Variants in MAGI2 observed in about 807,000 individuals in gnomAD.
MAGI2 encodes the protein membrane-associated guanylate kinase, WW and PDZ domain-containing protein 2.
MAGI2 carries 35 observed loss-of-function variants against 133.3 expected under a neutral mutation model. The ratio of observed to expected loss-of-function variants is 0.26; its 90% CI spans 0.20 to 0.35. The LOEUF is 0.35. Among genes scored for constraint, MAGI2 ranks in the 10% least tolerant of loss-of-function variants. The pLI is 1.00. For missense variants in MAGI2, 1,636 were observed against 1,863.4 expected (o/e 0.88, Z 2.25); for synonymous variants, 729 against 710.6 (o/e 1.03, Z -0.41).
chr7:79,211,370 G>A (rs1481652629), intron 1 of MAGI2, among the ~76,000 whole-genome samples: 1 of 151,916 alleles, frequency 6.6e-6, no homozygotes, highest in Non-Finnish European at 1.5e-5. Flanking sequence ...CTGATCTCCC[G>A]GTTCAAGTGA....
At chr7:78,766,531 A>G (rs1224190268) in intron 2 of MAGI2, among the ~76,000 whole-genome samples, 1 of 152,154 alleles carries the variant, frequency 6.6e-6, no homozygotes, top group East Asian at 1.9e-4. Flanking sequence ...CTTCTCCTCC[A>G]TTGGCTAACT....
intron 1 of MAGI2, among the ~76,000 whole-genome samples, chr7:79,235,479 C>G (rs528412661): frequency 2.0e-5 from 3 of 152,174 alleles, no homozygotes; most frequent in African/African-American, 7.2e-5. Context: ...AAGCCAGGTG[C>G]GGGATATAAT....
intron 1 of MAGI2, among the ~76,000 whole-genome samples, chr7:79,169,064 C>A (rs188318271): frequency 1.6e-4 from 25 of 151,810 alleles, no homozygotes; most frequent in African/African-American, 5.6e-4. Context: ...GAAGAATGGT[C>A]CCTTCCTTCT....
chr7:78,101,525 AT>A (rs1278026817), intron 20 of MAGI2, among the ~76,000 whole-genome samples: 3 of 152,220 alleles, frequency 2.0e-5, no homozygotes, highest in African/African-American at 7.2e-5. Flanking sequence ...TTGGACCCTT[AT>A]CATACACCAT....
At chr7:79,251,563 T>C (rs1352167165) in intron 1 of MAGI2, among the ~76,000 whole-genome samples, 2 of 152,008 alleles carry the variant, frequency 1.3e-5, no homozygotes, top group Non-Finnish European at 2.9e-5. Context: ...AAAAAGGCTT[T>C]TATAAAAAAG....
At chr7:79,196,766 T>TGTTG (rs1828117292) in intron 1 of MAGI2, among the ~76,000 whole-genome samples, 1 of 151,756 alleles carries the variant, frequency 6.6e-6, no homozygotes, top group Non-Finnish European at 1.5e-5. Context: ...TTTGTTTGCT[T>TGTTG]GTTTGTTTGT....
Position 78,486,439 on chromosome 7 carries a change from C to G in MAGI2, c.1045+3322G>C, listed in dbSNP as rs180913398. ...TTTTGTGTGGCCAATGGGCTAAGAACAGTTTACACATTTTCGAGTAGTTGA... is the reference window on the plus strand; with the variant it reads ...TTTTGTGTGGCCAATGGGCTAAGAAGAGTTTACACATTTTCGAGTAGTTGA... On this transcript the variant is annotated intron_variant, in intron 6 of 21. Transcript: ENST00000354212. 1.7e-3 allele frequency: 277 copies of G among 164,080 alleles called. 1 individual carries two copies. Among genetic ancestry groups the G allele is most frequent in the South Asian group, 3.2e-3 (18 of 5,698 alleles). The allele number at this position is 164,080 out of a possible 1,614,324, so 10.2% of individuals were successfully genotyped here. A position where few individuals can be genotyped will look rare whatever the true frequency, so the allele number is the denominator to read the frequency against.
chr7:78,167,714 G>T (rs1024311848), intron 15 of MAGI2, among the ~76,000 whole-genome samples: 1 of 152,242 alleles, frequency 6.6e-6, no homozygotes, highest in African/African-American at 2.4e-5. Context: ...TAAAATGCAG[G>T]CCTCAAAGAC....
intron 3 of MAGI2, among the ~76,000 whole-genome samples, chr7:78,541,859 T>A (rs1052178174): frequency 2.0e-5 from 3 of 152,240 alleles, no homozygotes; most frequent in Non-Finnish European, 4.4e-5. Context: ...CTTCAAATAA[T>A]CTTTATGAAA....
chr7:78,735,632 C>G (rs1374410768), intron 2 of MAGI2, among the ~76,000 whole-genome samples: 2 of 152,130 alleles, frequency 1.3e-5, no homozygotes, highest in African/African-American at 4.8e-5. Context: ...AACATATTGT[C>G]ACTGATGAGT....
At chr7:78,768,523 C>T (rs1461924026) in intron 2 of MAGI2, among the ~76,000 whole-genome samples, 10 of 152,172 alleles carry the variant, frequency 6.6e-5, no homozygotes, top group Non-Finnish European at 1.5e-4. Flanking sequence ...AATCTGTGCT[C>T]TAATTCTCAG....
chr7:78,339,193 A>T (rs935544006), intron 9 of MAGI2, among the ~76,000 whole-genome samples: 4 of 152,212 alleles, frequency 2.6e-5, no homozygotes, highest in African/African-American at 9.6e-5. Flanking sequence ...CACTGCAATG[A>T]CTATGAAAGG....
At chr7:78,502,231 C>G (rs1177600832) in intron 4 of MAGI2, among the ~76,000 whole-genome samples, 1 of 152,020 alleles carries the variant, frequency 6.6e-6, no homozygotes, top group Non-Finnish European at 1.5e-5. Context: ...AATGTAATCA[C>G]AAGAGTCCTT....
intron 9 of MAGI2, among the ~76,000 whole-genome samples, chr7:78,341,817 G>A (rs1790408162): frequency 6.6e-6 from 1 of 152,046 alleles, no homozygotes; most frequent in African/African-American, 2.4e-5. Context: ...ACTCAAGATG[G>A]ATTAAAGACT....
intron 2 of MAGI2, among the ~76,000 whole-genome samples, chr7:78,713,344 T>C (rs188717960): frequency 1.0e-3 from 157 of 152,284 alleles, no homozygotes; most frequent in South Asian, 2.1e-4. Context: ...AGCTATAAAA[T>C]TGAATAGGCC....
intron 1 of MAGI2, among the ~76,000 whole-genome samples, chr7:79,093,713 T>A (rs1422137762): frequency 9.1e-6 from 1 of 109,422 alleles, no homozygotes; most frequent in Admixed American, 1.0e-4. Flanking sequence ...TCTTTTCTTT[T>A]CTTTTTTTTT....
chr7:78,899,269 A>G (rs749137744), intron 2 of MAGI2, among the ~76,000 whole-genome samples: 3 of 152,206 alleles, frequency 2.0e-5, no homozygotes, highest in Admixed American at 6.5e-5. Context: ...TAGGCATTAT[A>G]AAGGAGAGTT....
chr7:79,289,470 A>C (rs1836287569), intron 1 of MAGI2, among the ~76,000 whole-genome samples: 1 of 152,186 alleles, frequency 6.6e-6, no homozygotes, highest in African/African-American at 2.4e-5. Flanking sequence ...CATATTACTG[A>C]GATCGTAAAA....
chr7:79,051,768 C>A (rs1232340136), intron 1 of MAGI2, among the ~76,000 whole-genome samples: 1 of 152,108 alleles, frequency 6.6e-6, no homozygotes, highest in Admixed American at 6.5e-5. Context: ...AAGAATCATG[C>A]AAAATTATCT....
Sources: allele counts gnomAD v4.1 joint callset (sites outside exome capture counted in the v4.1 genomes callset), GRCh38; gene constraint gnomAD v4.1.1; transcripts MANE v1.5; gene names NCBI Gene and HGNC (gene_info 2026-07-23, HGNC 2026-07-21).